GOLGB1: variants seen among roughly 807,000 people sequenced by gnomAD.
GOLGB1 encodes the protein golgin subfamily B member 1.
Under a neutral mutation model 336.9 loss-of-function variants are expected in GOLGB1, and 174 were observed. The ratio of observed to expected loss-of-function variants is 0.52; its 90% CI spans 0.46 to 0.59. The LOEUF is 0.59. Ranked by LOEUF, GOLGB1 falls within the 20% of genes least tolerant of loss-of-function variation. The pLI, the probability that GOLGB1 is intolerant of heterozygous loss-of-function variation, is 0.00. For missense variants in GOLGB1, 3,331 were observed against 3,645.3 expected (o/e 0.91, Z 2.22); for synonymous variants, 1,208 against 1,289.2 (o/e 0.94, Z 1.35).
In GOLGB1 at chr3:121,691,844, G is replaced by A; in HGVS notation, c.7520C>T (p.Ala2507Val). ...LEKDQLIQEA[A>V]AENNKLKEEI... is the part of the protein sequence containing the mutation. Reference sequence around the variant, plus strand: ...TTCTTTAAGCTTATTATTCTCTGCAGCAGCCTCTTGGATGAGTTGGTCTTT... The same window carrying A: ...TTCTTTAAGCTTATTATTCTCTGCAACAGCCTCTTGGATGAGTTGGTCTTT... The change falls in exon 14 of 22, where the codon GCT (alanine) becomes GTT (valine). Residue 2507 changes from alanine to valine, a missense_variant. Transcript: ENST00000614479. The A allele has an allele frequency of 6.2e-7, 1 of 1,612,978 alleles. No individual in the cohort carries two copies. Among genetic ancestry groups the A allele is most frequent in the Non-Finnish European group, 8.5e-7 (1 of 1,179,436 alleles).
chr3:121,664,358 G>A lies in GOLGB1; in HGVS notation c.*122C>T, dbSNP rs55837441. The stretch of plus-strand genomic sequence containing the variant: ...ACCTCTGTTTTTGCAGGCACTTTCC[G>A]TGAAGAGTTGGAGAGAAGACCTGTA... On this transcript the variant is annotated 3_prime_UTR_variant, in exon 22 of 22. Coordinates refer to ENST00000614479, the MANE Select transcript of GOLGB1 (RefSeq NM_001366282.2). 3.3e-4 allele frequency: 300 copies of A among 898,572 alleles called. No individual in the cohort carries two copies. Among genetic ancestry groups the A allele is most frequent in the Non-Finnish European group, 4.9e-4 (274 of 557,198 alleles). 55.7% of individuals were successfully genotyped at this position (898,572 alleles called of 1,614,324 possible).
chr3:121,748,870 A>C (rs1005172317), intron 1 of GOLGB1: 2 of 983,102 alleles, frequency 2.0e-6, no homozygotes, highest in African/African-American at 3.5e-5. Flanking sequence ...TCAGACAAAT[A>C]TATTCCTCAT....
intron 1 of GOLGB1, among the ~76,000 whole-genome samples, chr3:121,732,235 A>G (rs1363644943): frequency 1.3e-5 from 2 of 152,164 alleles, no homozygotes; most frequent in African/African-American, 4.8e-5. Flanking sequence ...TACATTAAAA[A>G]CCTTCTAAAA....
Position 121,730,029 on chromosome 3 carries a change from GA to G in GOLGB1, c.97-13del. On this transcript the variant is annotated splice_polypyrimidine_tract_variant and intron_variant, in intron 2 of 21. Transcript: ENST00000614479. ...TCTTGGTGTAATTCCTAATATTTAG[GA>G]AAAAAGTTGCCAGTGCACCAGGAAA... 5 of 1,594,872 alleles carry G rather than the reference GA, an allele frequency of 3.1e-6. No individual in the cohort carries two copies. The highest frequency in any genetic ancestry group is 3.4e-6 in the Non-Finnish European group (4 of 1,170,692).
intron 15 of GOLGB1, 145 bp from the exon 16 acceptor site, chr3:121,677,595 AAG>A (rs142139305): frequency 0.049 from 29,996 of 608,012 alleles, 1,006 homozygotes; most frequent in Non-Finnish European, 0.065. Flanking sequence ...AAAAGGTGGA[AAG>A]AGAGAAAATG....
Position 121,690,739 on chromosome 3 carries a change from G to A in GOLGB1, c.8625C>T (p.Ser2875=), listed in dbSNP as rs1436281711. 6.4e-7 allele frequency: 1 copy of A among 1,551,664 alleles called. No individual in the cohort carries two copies. Among genetic ancestry groups the A allele is most frequent in the Non-Finnish European group, 8.7e-7 (1 of 1,154,898 alleles). ...EGKQRSAAQP[S]TSPAEVQSLK... Reference sequence around the variant, plus strand: ...AACTCTGTACTTCAGCTGGGCTGGTGGAAGGCTGAGCTGCAGACCTCTGCT... The same window carrying A: ...AACTCTGTACTTCAGCTGGGCTGGTAGAAGGCTGAGCTGCAGACCTCTGCT... The change falls in exon 14 of 22, where the codon TCC becomes TCT. Residue 2875 remains serine (S), a synonymous_variant. Coordinates refer to ENST00000614479, the MANE Select transcript of GOLGB1 (RefSeq NM_001366282.2).
chr3:121,668,784 C>T (rs1172295509), intron 18 of GOLGB1, among the ~76,000 whole-genome samples: 1 of 151,960 alleles, frequency 6.6e-6, no homozygotes, highest in Non-Finnish European at 1.5e-5. Flanking sequence ...CCCCCTTTTC[C>T]TCCTCCGTAT....
chr3:121,698,686 G>A lies in GOLGB1; in HGVS notation c.1837C>T (p.Pro613Ser). The A allele has an allele frequency of 6.2e-7, 1 of 1,613,772 alleles. No homozygotes were observed. The highest frequency in any genetic ancestry group is 1.1e-5 in the South Asian group (1 of 91,064). ...TCAAGAAATACTTTCATTTTAATTG[G>A]AGCTATTCCCTCACCCTCCATCTGT... ...MKQMEGEGIA[P>S]IKMKVFLEDT... Residue 613 changes from proline to serine, a missense_variant, in exon 13 of 22, where the codon CCA becomes TCA. Transcript: ENST00000614479.
chr3:121,724,846 C>CT (rs1945459091), intron 5 of GOLGB1, among the ~76,000 whole-genome samples: 1 of 152,198 alleles, frequency 6.6e-6, no homozygotes, highest in Admixed American at 6.5e-5. Context: ...TACCACTGCT[C>CT]TGTGCCACTT....
intron 1 of GOLGB1, among the ~76,000 whole-genome samples, chr3:121,741,505 C>T (rs1946856175): frequency 6.6e-6 from 1 of 152,132 alleles, no homozygotes; most frequent in Admixed American, 6.5e-5. Context: ...CCGATCTCGT[C>T]TAAAGTGGTT....
Position 121,693,809 on chromosome 3 carries a change from G to T in GOLGB1, c.6714C>A (p.Cys2238Ter). The T allele has an allele frequency of 6.2e-7, 1 of 1,608,592 alleles. No individual in the cohort carries two copies. Among genetic ancestry groups the T allele is most frequent in the Non-Finnish European group, 8.5e-7 (1 of 1,175,022 alleles). ...GTCTAAGTTGATCCTTTAGAACACT[G>T]CAATTATCTTCTTTGAGTCTAATTT... is the stretch of plus-strand genomic sequence containing the variant. ...EEEIRLKEDN[C>*]SVLKDQLRQM... The change falls in exon 13 of 22, where the codon TGC becomes TGA. Residue 2238 changes from cysteine (C) to a stop codon, truncating the protein, a stop_gained. Coordinates refer to ENST00000614479, the MANE Select transcript of GOLGB1 (RefSeq NM_001366282.2). LOFTEE classifies it high-confidence loss of function.
chr3:121,744,825 T>G (rs1279422600), intron 1 of GOLGB1, among the ~76,000 whole-genome samples: 2 of 152,118 alleles, frequency 1.3e-5, no homozygotes, highest in Non-Finnish European at 2.9e-5. Flanking sequence ...CATAGATTGA[T>G]TCAACAGTCT....
intron 14 of GOLGB1, among the ~76,000 whole-genome samples, chr3:121,689,284 CTT>C (rs1412865959): frequency 6.6e-6 from 1 of 152,220 alleles, no homozygotes; most frequent in Non-Finnish European, 1.5e-5. Flanking sequence ...ACATGGGAAA[CTT>C]TTCATTTTGT....
rs1450937606 is a variant in GOLGB1, at chr3:121,667,586, T to C, written c.9444A>G (p.Leu3148=). 6.2e-7 allele frequency: 1 copy of C among 1,613,824 alleles called. No homozygotes were observed. The highest frequency in any genetic ancestry group is 8.5e-7 in the Non-Finnish European group (1 of 1,179,822). Reference sequence around the variant, plus strand: ...CATTCACTTCCTGTCTGGTGTTGCATAGCTGCTGCTGAGCTTCAGAAAAGC... The same window carrying C: ...CATTCACTTCCTGTCTGGTGTTGCACAGCTGCTGCTGAGCTTCAGAAAAGC... ...QQSFSEAQQQ[L]CNTRQEVNEL... Residue 3148 remains leucine (L), a synonymous_variant, in exon 20 of 22, where the codon CTA becomes CTG. Transcript: ENST00000614479.
At chr3:121,743,906 CA>C (rs1394468562) in intron 1 of GOLGB1, among the ~76,000 whole-genome samples, 3 of 152,062 alleles carry the variant, frequency 2.0e-5, no homozygotes, top group Admixed American at 1.3e-4. Flanking sequence ...AAAATATTAG[CA>C]AACTAAATCT....
chr3:121,677,559 G>A, intron 15 of GOLGB1, 109 bp from the exon 16 acceptor site: 1 of 714,032 alleles, frequency 1.4e-6, no homozygotes, highest in Non-Finnish European at 2.4e-6. Context: ...ACTCAAATCT[G>A]GAAGGTAAAG....
Position 121,695,438 on chromosome 3 carries a change from T to C in GOLGB1, c.5085A>G (p.Leu1695=), listed in dbSNP as rs1453998766. Residue 1695 remains leucine (L), a synonymous_variant, in exon 13 of 22, where the codon CTA becomes CTG. Transcript: ENST00000614479. ...GCCGGTCATTCTCTTCTTCCAGCTCTAGGATTTTCTGCTGTTTAGATTTAG... is the reference window on the plus strand; with the variant it reads ...GCCGGTCATTCTCTTCTTCCAGCTCCAGGATTTTCTGCTGTTTAGATTTAG... ...KFAKSKQQKI[L]ELEEENDRLR... is the part of the protein sequence containing the mutation. 21 of 1,614,134 alleles carry C rather than the reference T, an allele frequency of 1.3e-5. No homozygotes were observed. The highest frequency in any genetic ancestry group is 1.8e-5 in the Non-Finnish European group (21 of 1,180,006).
chr3:121,688,430 C>T (rs1434413305), intron 14 of GOLGB1, among the ~76,000 whole-genome samples: 2 of 152,276 alleles, frequency 1.3e-5, no homozygotes, highest in African/African-American at 2.4e-5. Context: ...GCGAGTGATC[C>T]GCCAACCTCG....
intron 15 of GOLGB1, among the ~76,000 whole-genome samples, chr3:121,677,880 T>G (rs1042480385): frequency 2.4e-4 from 37 of 152,154 alleles, no homozygotes; most frequent in Non-Finnish European, 4.1e-4. Flanking sequence ...CCAATCACCT[T>G]TGGAGGGCCC....
Sources: allele counts gnomAD v4.1 joint callset (sites outside exome capture counted in the v4.1 genomes callset), GRCh38; gene constraint gnomAD v4.1.1; transcripts MANE v1.5; gene names NCBI Gene and HGNC (gene_info 2026-07-23, HGNC 2026-07-21).